FHIP2A: variants seen among roughly 807,000 people sequenced by gnomAD.
FHIP2A encodes FHF complex subunit HOOK interacting protein 2A, also known as family with sequence similarity 160 member B1.
In FHIP2A, 46 loss-of-function variants were observed where a neutral mutation model predicts 93.5. The observed-to-expected ratio is 0.49, with a 90% CI of 0.39 to 0.63. The LOEUF (loss-of-function observed/expected upper bound fraction) is 0.63. Ranked by LOEUF, FHIP2A falls within the 20% of genes least tolerant of loss-of-function variation. FHIP2A has a pLI of 0.00. For missense variants in FHIP2A, 769 were observed against 909.7 expected (o/e 0.85, Z 1.99); for synonymous variants, 332 against 326.5 (o/e 1.02, Z -0.18).
chr10:114,846,705 A>T lies in FHIP2A; in HGVS notation c.1545A>T (p.Glu515Asp). The change falls in exon 11 of 17, where the codon GAA becomes GAT. Residue 515 changes from glutamate to aspartate, a missense_variant. Transcript: ENST00000369248. ...PLCPEDKDVV[E>D]NGLIAGAVDL... ...GCCCAGAAGATAAAGATGTGGTAGA[A>T]AATGGATTGATAGCAGGAGCAGTGT... 6.2e-7 allele frequency: 1 copy of T among 1,603,444 alleles called. No individual in the cohort carries two copies. Among genetic ancestry groups the T allele is most frequent in the Non-Finnish European group, 8.5e-7 (1 of 1,177,336 alleles).
chr10:114,870,762 G>A (rs2083855527), intron 16 of FHIP2A, among the ~76,000 whole-genome samples: 1 of 152,114 alleles, frequency 6.6e-6, no homozygotes, highest in African/African-American at 2.4e-5. Context: ...AAGGGATAAG[G>A]CAAGTTCAGT....
intron 11 of FHIP2A, 67 bp from the exon 12 acceptor site, chr10:114,847,023 G>A: frequency 7.5e-7 from 1 of 1,339,900 alleles, no homozygotes; most frequent in Non-Finnish European, 1.0e-6. Flanking sequence ...ACATAGCAGA[G>A]AATCTTTTGG....
intron 16 of FHIP2A, among the ~76,000 whole-genome samples, chr10:114,870,835 G>T (rs369019243): frequency 6.6e-6 from 1 of 152,070 alleles, no homozygotes; most frequent in Non-Finnish European, 1.5e-5. Flanking sequence ...GCTTTGTGTT[G>T]CTAGGCTAGG....
Position 114,840,117 on chromosome 10 carries a change from G to A in FHIP2A, c.523-2816G>A, listed in dbSNP as rs74158077. Among the ~76,000 whole-genome samples, 1,210 of 152,140 alleles carry A rather than the reference G, an allele frequency of 8.0e-3. 10 individuals are homozygous for A. The highest frequency in any genetic ancestry group is 0.028 in the African/African-American group (1,154 of 41,506). ...TCATCTTTGAAATGAGGCTGGGCGCGGTGATTCACACCTGTAATCCTAGCA... is the reference window on the plus strand; with the variant it reads ...TCATCTTTGAAATGAGGCTGGGCGCAGTGATTCACACCTGTAATCCTAGCA... On this transcript the variant is annotated intron_variant, in intron 5 of 16. Transcript: ENST00000369248.
chr10:114,828,138 GATT>G (rs1480489412), intron 1 of FHIP2A, among the ~76,000 whole-genome samples: 22 of 152,090 alleles, frequency 1.4e-4, no homozygotes, highest in Non-Finnish European at 3.1e-4. Flanking sequence ...GTTTGAACAA[GATT>G]ATTACTAATC....
chr10:114,830,063 G>A (rs2083599012), intron 1 of FHIP2A, among the ~76,000 whole-genome samples: 1 of 152,158 alleles, frequency 6.6e-6, no homozygotes. Flanking sequence ...GTCACTGAAT[G>A]TAGGGTACAG....
chr10:114,898,182 A>G (rs1180894657), intron 16 of FHIP2A, among the ~76,000 whole-genome samples: 1 of 152,090 alleles, frequency 6.6e-6, no homozygotes, highest in Non-Finnish European at 1.5e-5. Flanking sequence ...GCTTTGTGAT[A>G]CTGTGGAGCT....
chr10:114,873,858 A>G (rs181494430), intron 16 of FHIP2A, among the ~76,000 whole-genome samples: 1 of 151,754 alleles, frequency 6.6e-6, no homozygotes, highest in Admixed American at 6.6e-5. Flanking sequence ...CTCATCTCAT[A>G]TGTTTCCTGC....
At chr10:114,825,864 G>A (rs1431931065) in intron 1 of FHIP2A, among the ~76,000 whole-genome samples, 4 of 152,214 alleles carry the variant, frequency 2.6e-5, no homozygotes, top group South Asian at 2.1e-4. Flanking sequence ...CCACCCTTGC[G>A]GGCAGATTTA....
intron 4 of FHIP2A, 130 bp from the exon 5 acceptor site, chr10:114,835,994 T>G: frequency 1.7e-6 from 1 of 593,080 alleles, no homozygotes; most frequent in Non-Finnish European, 2.8e-6. Context: ...ATATCATTAG[T>G]GTTCTGATTA....
intron 4 of FHIP2A, 125 bp from the exon 5 acceptor site, chr10:114,835,999 T>G: frequency 3.1e-6 from 2 of 636,126 alleles, no homozygotes; most frequent in Non-Finnish European, 5.1e-6. Flanking sequence ...ATTAGTGTTC[T>G]GATTAATGCA....
intron 16 of FHIP2A, among the ~76,000 whole-genome samples, chr10:114,869,960 CTCATTA>C (rs1386819767): frequency 1.3e-5 from 2 of 152,182 alleles, no homozygotes; most frequent in East Asian, 3.9e-4. Context: ...AGTAGTGTTG[CTCATTA>C]TCATTTTCAT....
chr10:114,861,247 T>G lies in FHIP2A; in HGVS notation c.2105T>G (p.Met702Arg). The G allele has an allele frequency of 6.2e-7, 1 of 1,614,210 alleles. No individual in the cohort carries two copies. Among genetic ancestry groups the G allele is most frequent in the Non-Finnish European group, 8.5e-7 (1 of 1,180,020 alleles). ...SVIVRVVGDL[M>R]LRIQRIQDFT... ...GTGATGCAGGTTGTTGGAGACCTTA[T>G]GCTTCGAATCCAGCGTATTCAAGAC... The change falls in exon 16 of 17, where the codon ATG becomes AGG. Residue 702 changes from methionine (M) to arginine (R), a missense_variant. Coordinates refer to ENST00000369248, the MANE Select transcript of FHIP2A (RefSeq NM_020940.4).
At chr10:114,872,567 A>T (rs557491622) in intron 16 of FHIP2A, among the ~76,000 whole-genome samples, 2 of 152,304 alleles carry the variant, frequency 1.3e-5, no homozygotes, top group African/African-American at 4.8e-5. Flanking sequence ...TAATCTCTCC[A>T]GTTGGAAGAT....
intron 1 of FHIP2A, among the ~76,000 whole-genome samples, chr10:114,826,539 G>A (rs1463310394): frequency 2.6e-5 from 4 of 152,234 alleles, no homozygotes; most frequent in Non-Finnish European, 5.9e-5. Flanking sequence ...TCATTTGGAT[G>A]ATTGGTTTAG....
chr10:114,866,749 T>TTAGAGAAAC (rs938791278), downstream of FHIP2A, among the ~76,000 whole-genome samples: 1 of 152,152 alleles, frequency 6.6e-6, no homozygotes, highest in African/African-American at 2.4e-5. Context: ...CCAAATGGTG[T>TTAGAGAAAC]GAGCCCCAGG....
At chr10:114,824,348 A>G (rs2083561175) in intron 1 of FHIP2A, among the ~76,000 whole-genome samples, 1 of 152,206 alleles carries the variant, frequency 6.6e-6, no homozygotes, top group Non-Finnish European at 1.5e-5. Flanking sequence ...ATAATTGTAT[A>G]TATTAGCATC....
intron 16 of FHIP2A, among the ~76,000 whole-genome samples, chr10:114,878,715 G>T (rs1445949048): frequency 6.6e-6 from 1 of 151,516 alleles, no homozygotes; most frequent in Non-Finnish European, 1.5e-5. Context: ...GGGAGGCAGA[G>T]GTTGCAGTGA....
intron 13 of FHIP2A, among the ~76,000 whole-genome samples, chr10:114,853,372 A>G (rs2083747609): frequency 6.6e-6 from 1 of 152,188 alleles, no homozygotes; most frequent in Non-Finnish European, 1.5e-5. Context: ...GTATCCTATT[A>G]TATATAACTA....
Sources: gnomAD v4.1 joint callset for allele counts (sites outside exome capture counted in the v4.1 genomes callset) on GRCh38, gnomAD v4.1.1 for gene constraint, MANE v1.5 for transcripts, NCBI Gene and HGNC (gene_info 2026-07-23, HGNC 2026-07-21) for gene names.